The following FAT3 variants were observed in gnomAD, a reference collection of about 807,000 sequenced individuals.
The protein encoded by FAT3 is protocadherin Fat 3.
FAT3 carries 95 observed loss-of-function variants against 310.2 expected under a neutral mutation model. The ratio of observed to expected loss-of-function variants is 0.31; its 90% CI spans 0.26 to 0.36. The LOEUF is 0.36. Ranked by LOEUF, FAT3 falls within the 10% of genes least tolerant of loss-of-function variation. The pLI is 1.00. For missense variants in FAT3, 5,408 were observed against 5,715.6 expected (o/e 0.95, Z 1.74); for synonymous variants, 2,314 against 2,192.9 (o/e 1.06, Z -1.54).
chr11:92,241,837 A>G (rs1864680452), intron 1 of FAT3, among the ~76,000 whole-genome samples: 1 of 152,042 alleles, frequency 6.6e-6, no homozygotes, highest in South Asian at 2.1e-4. Context: ...GAAACTTGCC[A>G]TGTTTTAAAT....
intron 1 of FAT3, among the ~76,000 whole-genome samples, chr11:92,247,822 C>T (rs1346737989): frequency 6.7e-6 from 1 of 149,256 alleles, no homozygotes; most frequent in Non-Finnish European, 1.5e-5. Flanking sequence ...AATGCAAGTT[C>T]TTAGGGCATT....
intron 21 of FAT3, among the ~76,000 whole-genome samples, chr11:92,859,646 A>G (rs968155684): frequency 6.6e-6 from 1 of 152,172 alleles, no homozygotes. Context: ...GTGGTCCTTT[A>G]AAAGGATTGG....
At chr11:92,435,816 C>T (rs1489611117) in intron 2 of FAT3, among the ~76,000 whole-genome samples, 1 of 152,124 alleles carries the variant, frequency 6.6e-6, no homozygotes, top group East Asian at 1.9e-4. Context: ...ATCCACCTGC[C>T]TCGGCCTCCC....
At chr11:92,367,037 C>G (rs921180268) in intron 2 of FAT3, 5 of 509,038 alleles carry the variant, frequency 9.8e-6, no homozygotes, top group African/African-American at 9.6e-5. Context: ...TCAATAACAT[C>G]TAGCACTGTC....
intron 4 of FAT3, among the ~76,000 whole-genome samples, chr11:92,745,582 GA>G (rs58851230): frequency 0.021 from 2,562 of 122,886 alleles, 27 homozygotes; most frequent in Middle Eastern, 0.032. Context: ...TCTCTGCAGG[GA>G]AAAAAAAAAA....
chr11:92,727,093 C>T (rs1945024584), intron 4 of FAT3, among the ~76,000 whole-genome samples: 2 of 152,128 alleles, frequency 1.3e-5, no homozygotes, highest in African/African-American at 4.8e-5. Flanking sequence ...TTTCGATTAA[C>T]TTCATAAACA....
chr11:92,349,812 G>T (rs909871114), intron 1 of FAT3, among the ~76,000 whole-genome samples: 1 of 152,030 alleles, frequency 6.6e-6, no homozygotes, highest in Non-Finnish European at 1.5e-5. Flanking sequence ...GTCTATTAAT[G>T]CCTGTAAAGT....
intron 2 of FAT3, among the ~76,000 whole-genome samples, chr11:92,392,712 G>A (rs1490093329): frequency 6.6e-6 from 1 of 152,082 alleles, no homozygotes; most frequent in Non-Finnish European, 1.5e-5. Flanking sequence ...AGGCTGAGTA[G>A]TGCTAGACTG....
At chr11:92,516,283 A>G (rs1035877636) in intron 2 of FAT3, among the ~76,000 whole-genome samples, 1 of 152,192 alleles carries the variant, frequency 6.6e-6, no homozygotes, top group African/African-American at 2.4e-5. Flanking sequence ...CAAAAAGTGT[A>G]TCCACCATGA....
At chr11:92,755,175 A>G (rs1010837894) in intron 4 of FAT3, among the ~76,000 whole-genome samples, 1 of 152,092 alleles carries the variant, frequency 6.6e-6, no homozygotes, top group African/African-American at 2.4e-5. Flanking sequence ...TAATGGTAAT[A>G]ACAATATATT....
chr11:92,893,394 A>G lies in FAT3; in HGVS notation c.*2281A>G, dbSNP rs573135146. On this transcript the variant is annotated 3_prime_UTR_variant, in exon 28 of 28. Coordinates refer to ENST00000525166, the MANE Select transcript of FAT3 (RefSeq NM_001367949.2). The stretch of plus-strand genomic sequence containing the variant: ...CAAGAATCATGGAAAAAAATGACAA[A>G]CTAATGGCCTAGAATAGAGTGACTG... 3.3e-5 allele frequency: 5 copies of G among 152,342 alleles called. No homozygotes were observed. Among genetic ancestry groups the G allele is most frequent in the African/African-American group, 1.2e-4 (5 of 41,588 alleles). 9.4% of individuals were successfully genotyped at this position (152,342 alleles called of 1,614,324 possible). A position where few individuals can be genotyped will look rare whatever the true frequency, so the allele number is the denominator to read the frequency against.
intron 3 of FAT3, among the ~76,000 whole-genome samples, chr11:92,628,679 A>G (rs1180561664): frequency 6.6e-6 from 1 of 152,200 alleles, no homozygotes; most frequent in Non-Finnish European, 1.5e-5. Context: ...TCCATGGAAA[A>G]AGCGCATTTG....
At position 92,386,394 on chromosome 11, in the gene FAT3, T is replaced by C. The variant is rs530599116; in HGVS notation, c.3292+30990T>C. 6.2e-4 allele frequency among the ~76,000 whole-genome samples: 94 copies of C among 152,296 alleles called. 1 individual carries two copies. Among genetic ancestry groups the C allele is most frequent in the Non-Finnish European group, 6.8e-4 (46 of 68,018 alleles). On this transcript the variant is annotated intron_variant, in intron 2 of 27. Coordinates refer to ENST00000525166, the MANE Select transcript of FAT3 (RefSeq NM_001367949.2). ...TACAAGACTTCAAACATAGTGAACA[T>C]TCAATAAACGATTGTTGAAAAAGAC...
At chr11:92,868,563 G>A (rs1029021568) in intron 22 of FAT3, among the ~76,000 whole-genome samples, 3 of 152,126 alleles carry the variant, frequency 2.0e-5, no homozygotes, top group African/African-American at 7.2e-5. Flanking sequence ...AGCCATCTAC[G>A]ATATATAAAA....
chr11:92,628,616 G>T (rs1036727707), intron 3 of FAT3, among the ~76,000 whole-genome samples: 2 of 152,226 alleles, frequency 1.3e-5, no homozygotes, highest in Admixed American at 6.5e-5. Flanking sequence ...AGGAACTATT[G>T]TGTACCTATG....
intron 2 of FAT3, among the ~76,000 whole-genome samples, chr11:92,442,445 C>T (rs972881762): frequency 1.3e-5 from 2 of 150,870 alleles, no homozygotes; most frequent in Non-Finnish European, 3.0e-5. Context: ...ATTCAGATTT[C>T]TAAATAGTAA....
At chr11:92,230,641 T>C (rs1864136990) in intron 1 of FAT3, among the ~76,000 whole-genome samples, 1 of 152,232 alleles carries the variant, frequency 6.6e-6, no homozygotes. Flanking sequence ...TTTTCAGCGA[T>C]ATTTACTGAA....
At chr11:92,267,089 A>G (rs934294419) in intron 1 of FAT3, among the ~76,000 whole-genome samples, 1 of 142,530 alleles carries the variant, frequency 7.0e-6, no homozygotes, top group East Asian at 2.2e-4. Context: ...AGCTTTCTCA[A>G]TTCCCATCCT....
chr11:92,728,524 G>T (rs183509386), intron 4 of FAT3, among the ~76,000 whole-genome samples: 1,685 of 152,124 alleles, frequency 0.011, 37 homozygotes, highest in African/African-American at 0.038. Context: ...TTTTTTGTTT[G>T]TTTTTTTAAA....
Sources: gnomAD v4.1 joint callset for allele counts (sites outside exome capture counted in the v4.1 genomes callset) on GRCh38, gnomAD v4.1.1 for gene constraint, MANE v1.5 for transcripts, NCBI Gene and HGNC (gene_info 2026-07-23, HGNC 2026-07-21) for gene names.